NLRP8: variants seen among roughly 807,000 people sequenced by gnomAD.
NLRP8 encodes the protein NLR family pyrin domain containing 8.
Under a neutral mutation model 88.7 loss-of-function variants are expected in NLRP8, and 86 were observed. The ratio of observed to expected loss-of-function variants is 0.97; its 90% CI spans 0.81 to 1.16. The LOEUF (loss-of-function observed/expected upper bound fraction) is 1.16, where lower values mean the gene tolerates loss of function less well. NLRP8 is among the 50% of genes most tolerant of loss of function. The probability of loss-of-function intolerance (pLI) is 0.00; values close to 1 mark genes in which losing one functional copy is unlikely to be tolerated. For synonymous variants in NLRP8, 504 were observed against 494.6 expected (o/e 1.02, Z -0.25); for missense variants, 1,342 against 1,286.5 (o/e 1.04, Z -0.66).
At position 55,970,635 on chromosome 19, in the gene NLRP8, A is replaced by G. The variant is rs1980034265; in HGVS notation, c.2473A>G (p.Lys825Glu). Reference sequence around the variant, plus strand: ...GCATCTAAAGACTCTCATACTAAGAAAAAACTCCCTGGAGAACTGTGGGGC... The same window carrying G: ...GCATCTAAAGACTCTCATACTAAGAGAAAACTCCCTGGAGAACTGTGGGGC... The change falls in exon 6 of 10, where the codon AAA becomes GAA. Residue 825 changes from lysine (K) to glutamate (E), a missense_variant. Lys to Glu is a moderately conservative substitution (Grantham distance 56). Transcript: ENST00000291971. 6.2e-7 allele frequency: 1 copy of G among 1,614,004 alleles called. No individual in the cohort carries two copies. The highest frequency in any genetic ancestry group is 1.1e-5 in the South Asian group (1 of 91,064).
intron 3 of NLRP8, among the ~76,000 whole-genome samples, chr19:55,960,981 AACCTCC>A (rs201518083): frequency 0.012 from 1,765 of 146,904 alleles, 38 homozygotes; most frequent in African/African-American, 0.042. Context: ...GGCTCACTGC[AACCTCC>A]GCCTCCCAGG....
rs1979633589 is a variant in NLRP8 at position 55,962,052 on chromosome 19, C to T, written c.2043-15C>T. The T allele has an allele frequency of 6.2e-7, 1 of 1,610,464 alleles. No homozygotes were observed. The highest frequency in any genetic ancestry group is 8.5e-7 in the Non-Finnish European group (1 of 1,178,500). ...TTAACGAAGAGGTGTTTTCTCTCTT[C>T]TCCCTTCCATGTAGAGCGCCAGAGA... is the stretch of plus-strand genomic sequence containing the variant. On this transcript the variant is annotated splice_polypyrimidine_tract_variant and intron_variant, in intron 3 of 9. Coordinates refer to ENST00000291971, the MANE Select transcript of NLRP8 (RefSeq NM_176811.2).
At chr19:55,966,763 C>T (rs1027278036) in intron 5 of NLRP8, among the ~76,000 whole-genome samples, 20 of 152,080 alleles carry the variant, frequency 1.3e-4, no homozygotes, top group African/African-American at 3.6e-4. Flanking sequence ...TTGCAGCAAG[C>T]CAAGATCGTG....
intron 4 of NLRP8, among the ~76,000 whole-genome samples, chr19:55,962,627 G>T (rs1366678768): frequency 6.6e-6 from 1 of 152,046 alleles, no homozygotes; most frequent in African/African-American, 2.4e-5. Flanking sequence ...TGTGGCTCAC[G>T]CCTATTTACT....
chr19:55,948,268 T>C lies in NLRP8; in HGVS notation c.366T>C (p.Asn122=), dbSNP rs748084590. 4.3e-6 allele frequency: 7 copies of C among 1,609,490 alleles called. No homozygotes were observed. Among genetic ancestry groups the C allele is most frequent in the Non-Finnish European group, 5.9e-6 (7 of 1,176,730 alleles). Reference sequence around the variant, plus strand: ...GTGTTGTAGTCCGCAGAGAGATAAATGGTGAGTGTTGATCTGGTGGATAAA... The same window carrying C: ...GTGTTGTAGTCCGCAGAGAGATAAACGGTGAGTGTTGATCTGGTGGATAAA... Residue 122 remains asparagine, a splice_region_variant and synonymous_variant, in exon 1 of 10, where the codon AAT becomes AAC. Coordinates refer to ENST00000291971, the MANE Select transcript of NLRP8 (RefSeq NM_176811.2).
intron 6 of NLRP8, among the ~76,000 whole-genome samples, chr19:55,972,285 T>G (rs958854016): frequency 1.3e-5 from 2 of 152,114 alleles, no homozygotes; most frequent in Non-Finnish European, 2.9e-5. Flanking sequence ...CAGCTGCTTT[T>G]TGTATTTTTA....
chr19:55,950,460 C>T (rs560247068), intron 1 of NLRP8, among the ~76,000 whole-genome samples: 18 of 152,032 alleles, frequency 1.2e-4, no homozygotes, highest in South Asian at 6.3e-4. Context: ...GACACACGTA[C>T]GCAGTTGATC....
chr19:55,956,032 G>A lies in NLRP8; in HGVS notation c.1974G>A (p.Val658=), dbSNP rs1019767010. ...AGCGGTGTCAATATTTGCATGAGGT[G>A]GAACTGACCGTCACCCTGAACTTCA... Residue 658 remains valine, a synonymous_variant, in exon 3 of 10, where the codon GTG becomes GTA. Transcript: ENST00000291971. 6.2e-7 allele frequency: 1 copy of A among 1,614,112 alleles called. No individual in the cohort carries two copies. Among genetic ancestry groups the A allele is most frequent in the Non-Finnish European group, 8.5e-7 (1 of 1,180,018 alleles).
At position 55,962,191 on chromosome 19, in the gene NLRP8, C is replaced by T. The variant is rs369510323; in HGVS notation, c.2167C>T (p.Leu723Phe). 1.1e-5 allele frequency: 18 copies of T among 1,614,050 alleles called. No homozygotes were observed. Among genetic ancestry groups the T allele is most frequent in the South Asian group, 2.2e-5 (2 of 91,086 alleles). Residue 723 changes from leucine (L) to phenylalanine (F), a missense_variant, in exon 4 of 10, where the codon CTC becomes TTC. Coordinates refer to ENST00000291971, the MANE Select transcript of NLRP8 (RefSeq NM_176811.2). ...TTTGGGGCCTCCTTTTTTGAAGGCT[C>T]TCGCGGCCGCACTGAGGCACCCTCA...
chr19:55,972,817 G>GTA (rs1454017528), intron 6 of NLRP8, among the ~76,000 whole-genome samples: 1 of 112,140 alleles, frequency 8.9e-6, no homozygotes, highest in Non-Finnish European at 1.8e-5. Context: ...GTATGTGTGT[G>GTA]TGTGTGTGTG....
chr19:55,961,529 C>T (rs564410759), intron 3 of NLRP8, among the ~76,000 whole-genome samples: 4 of 152,270 alleles, frequency 2.6e-5, no homozygotes, highest in South Asian at 4.1e-4. Context: ...TGGTTAGGCA[C>T]GGTGATTCAC....
At chr19:55,973,887 G>A in intron 7 of NLRP8, 65 bp downstream of exon 7, 1 of 1,460,510 alleles carries the variant, frequency 6.8e-7, no homozygotes, top group Non-Finnish European at 9.3e-7. Context: ...AAGAGAACCT[G>A]TTATATATTC....
At position 55,976,012 on chromosome 19, in the gene NLRP8, A is replaced by T. The variant is rs1429210162; in HGVS notation, c.2706-121A>T. 3.0e-6 allele frequency: 3 copies of T among 990,008 alleles called. No homozygotes were observed. In the African/African-American group the frequency reaches 5.0e-5, roughly 16 times the overall value. The allele number at this position is 990,008 out of a possible 1,614,324, so 61.3% of individuals were successfully genotyped here. A position where few individuals can be genotyped will look rare whatever the true frequency, so the allele number is the denominator to read the frequency against. On this transcript the variant is annotated intron_variant, in intron 7 of 9. Transcript: ENST00000291971. ...AACAAAAAACAAACAAACAAAACAA[A>T]CAAATAAAAACAGAACCCAAAAACA...
At chr19:55,981,193 G>A (rs1176786448) in intron 9 of NLRP8, among the ~76,000 whole-genome samples, 35 bp downstream of exon 10, 1 of 151,648 alleles carries the variant, frequency 6.6e-6, no homozygotes, top group African/African-American at 2.4e-5. Flanking sequence ...AATCGATCTG[G>A]ACCCTCTGGT....
At chr19:55,962,666 G>A (rs1192984206) in intron 4 of NLRP8, among the ~76,000 whole-genome samples, 2 of 152,156 alleles carry the variant, frequency 1.3e-5, no homozygotes, top group Non-Finnish European at 1.5e-5. Flanking sequence ...ACCAGTCCCA[G>A]CTACTTGGGA....
chr19:55,970,560 G>T lies in NLRP8; in HGVS notation c.2398G>T (p.Ala800Ser). The change falls in exon 6 of 10, where the codon GCC becomes TCC. Residue 800 changes from alanine (A) to serine (S), a missense_variant. By Grantham distance (99) the Ala-to-Ser change is moderately conservative. Transcript: ENST00000291971. ...CTTCTACAGGTTGGAAGACTGCTTG[G>T]CCACCCCTAGAATTTGGACTGATCT... is the stretch of plus-strand genomic sequence containing the variant. 1 of 1,614,042 alleles carries T rather than the reference G, an allele frequency of 6.2e-7. No individual in the cohort carries two copies. Among genetic ancestry groups the T allele is most frequent in the African/African-American group, 1.3e-5 (1 of 75,010 alleles).
chr19:55,972,584 C>G (rs1327831938), intron 6 of NLRP8, among the ~76,000 whole-genome samples: 1 of 151,940 alleles, frequency 6.6e-6, no homozygotes, highest in Admixed American at 6.6e-5. Context: ...TGCCACCCCC[C>G]ACCCTTTCCC....
At chr19:55,951,958 C>T (rs749336022) in intron 1 of NLRP8, among the ~76,000 whole-genome samples, 1 of 152,194 alleles carries the variant, frequency 6.6e-6, no homozygotes, top group East Asian at 1.9e-4. Context: ...TGCTATGTTG[C>T]CCAAGCTGGT....
intron 4 of NLRP8, 33 bp from the exon 5 acceptor site, chr19:55,966,180 C>T: frequency 6.2e-7 from 1 of 1,606,246 alleles, no homozygotes; most frequent in South Asian, 1.1e-5. Flanking sequence ...GTGGACGGGA[C>T]CCTATTCCAA....
Sources: gnomAD v4.1 joint callset for allele counts (sites outside exome capture counted in the v4.1 genomes callset) on GRCh38, gnomAD v4.1.1 for gene constraint, MANE v1.5 for transcripts, NCBI Gene and HGNC (gene_info 2026-07-23, HGNC 2026-07-21) for gene names.